Variants in PLXNA4 observed in about 807,000 individuals in gnomAD.
PLXNA4 encodes plexin-A4.
A neutral mutation model predicts 191.8 loss-of-function variants in PLXNA4; 44 were observed. The observed-to-expected ratio is 0.23, with a 90% CI of 0.18 to 0.29. The LOEUF (loss-of-function observed/expected upper bound fraction) is 0.29. Ranked by LOEUF, PLXNA4 falls within the 10% of genes least tolerant of loss-of-function variation. The probability of loss-of-function intolerance (pLI) is 1.00; values close to 1 mark genes in which losing one functional copy is unlikely to be tolerated. For missense variants in PLXNA4, 1,800 were observed against 2,488.8 expected, an observed-to-expected ratio of 0.72 and a Z score of 5.89; for synonymous variants, 1,082 against 1,009.5, an observed-to-expected ratio of 1.07 and a Z score of -1.36.
rs560523433 is a variant in PLXNA4, at chr7:132,182,003, G to A, written c.3252+94C>T. On this transcript the variant is annotated intron_variant, in intron 17 of 31. Transcript: ENST00000321063. Reference sequence around the variant, plus strand: ...CTGTGGGTTATCAGTGTATGGGCAGGGAGTTACCTCAGTACTTGGGAAGAC... The same window carrying A: ...CTGTGGGTTATCAGTGTATGGGCAGAGAGTTACCTCAGTACTTGGGAAGAC... 2.0e-5 allele frequency: 31 copies of A among 1,585,326 alleles called. 1 individual carries two copies. The South Asian group carries it at 2.6e-4, about 13-fold the overall frequency.
chr7:132,179,341 T>G (rs1274903456), intron 20 of PLXNA4, among the ~76,000 whole-genome samples: 1 of 138,756 alleles, frequency 7.2e-6, no homozygotes, highest in Non-Finnish European at 1.5e-5. Context: ...ACACAGAGCC[T>G]CCAGCACTGC....
At chr7:132,282,659 A>AAAG (rs1800528040) in intron 4 of PLXNA4, among the ~76,000 whole-genome samples, 5 of 115,038 alleles carry the variant, frequency 4.3e-5, no homozygotes, top group African/African-American at 7.1e-5. Context: ...AAAAAAAAAA[A>AAAG]AAGAAGCAGT....
At chr7:132,172,781 TA>T (rs869164288) in intron 21 of PLXNA4, among the ~76,000 whole-genome samples, 1 of 150,052 alleles carries the variant, frequency 6.7e-6, no homozygotes, top group Non-Finnish European at 1.5e-5. Flanking sequence ...ATAATAATAA[TA>T]AAGTTACATC....
At chr7:132,133,362 T>A (rs993008457) in intron 30 of PLXNA4, among the ~76,000 whole-genome samples, 163 bp from the exon 31 acceptor site, 3 of 152,118 alleles carry the variant, frequency 2.0e-5, no homozygotes, top group Non-Finnish European at 4.4e-5. Flanking sequence ...CTCTCTCTCA[T>A]CTGGGTTGCT....
At chr7:132,207,583 C>T (rs564877787) in intron 10 of PLXNA4, among the ~76,000 whole-genome samples, 2 of 152,370 alleles carry the variant, frequency 1.3e-5, no homozygotes, top group Admixed American at 6.5e-5. Flanking sequence ...TGGCTCAAGG[C>T]CTGTCCCCGC....
intron 15 of PLXNA4, among the ~76,000 whole-genome samples, chr7:132,186,637 C>A (rs910882926): frequency 4.6e-5 from 7 of 152,194 alleles, no homozygotes; most frequent in Non-Finnish European, 1.0e-4. Flanking sequence ...AAAAGTGTGG[C>A]ACCTGTGCAA....
At chr7:132,450,011 T>C (rs1028814056) in intron 3 of PLXNA4, among the ~76,000 whole-genome samples, 1 of 152,228 alleles carries the variant, frequency 6.6e-6, no homozygotes, top group Non-Finnish European at 1.5e-5. Flanking sequence ...ACACTGTCCA[T>C]TTCCTTCCTG....
At chr7:132,629,876 G>A (rs2116877196) in intron 2 of PLXNA4, among the ~76,000 whole-genome samples, 1 of 151,878 alleles carries the variant, frequency 6.6e-6, no homozygotes, top group South Asian at 2.1e-4. Flanking sequence ...TTGAGACAGA[G>A]TCTCGTTCTG....
At chr7:132,228,018 T>A (rs1798388254) in intron 6 of PLXNA4, among the ~76,000 whole-genome samples, 1 of 152,198 alleles carries the variant, frequency 6.6e-6, no homozygotes, top group African/African-American at 2.4e-5. Context: ...TCTCTGTACA[T>A]GCATCTTTCC....
At chr7:132,480,222 G>C (rs767943145) in intron 3 of PLXNA4, among the ~76,000 whole-genome samples, 2 of 152,204 alleles carry the variant, frequency 1.3e-5, no homozygotes, top group Non-Finnish European at 1.5e-5. Flanking sequence ...GGTAAGAATG[G>C]AGGGGGTGAA....
At chr7:132,286,627 A>G (rs1174257751) in intron 4 of PLXNA4, among the ~76,000 whole-genome samples, 1 of 152,118 alleles carries the variant, frequency 6.6e-6, no homozygotes, top group Non-Finnish European at 1.5e-5. Context: ...ATTCTGGGGC[A>G]GAGAGAAGGA....
At chr7:132,521,195 AAAAAAAAT>A (rs1261634458) in intron 1 of PLXNA4, among the ~76,000 whole-genome samples, 21 of 151,234 alleles carry the variant, frequency 1.4e-4, no homozygotes. Context: ...AAAAAAAAAA[AAAAAAAAT>A]TCAGAATGAC....
intron 3 of PLXNA4, among the ~76,000 whole-genome samples, chr7:132,401,319 A>T (rs1352748507): frequency 1.3e-5 from 2 of 152,102 alleles, no homozygotes; most frequent in Non-Finnish European, 2.9e-5. Context: ...CAAAAGGCAA[A>T]GTTAAAAAAA....
intron 3 of PLXNA4, among the ~76,000 whole-genome samples, chr7:132,375,497 C>T (rs1005816726): frequency 2.0e-5 from 3 of 152,194 alleles, no homozygotes; most frequent in Non-Finnish European, 4.4e-5. Flanking sequence ...GACCCAAAGA[C>T]AAACTGTTGA....
chr7:132,529,046 A>G (rs1030591665), intron 1 of PLXNA4, among the ~76,000 whole-genome samples: 6 of 152,246 alleles, frequency 3.9e-5, no homozygotes, highest in African/African-American at 1.4e-4. Context: ...AATGAATAAG[A>G]TGGCATTTTA....
chr7:132,588,913 TAGAG>T (rs199996090), intron 2 of PLXNA4, among the ~76,000 whole-genome samples: 7 of 150,006 alleles, frequency 4.7e-5, no homozygotes, highest in African/African-American at 1.5e-4. Context: ...GAGAAAGAAA[TAGAG>T]AGAGGAGTGA....
At chr7:132,492,464 G>A (rs562335139) in intron 2 of PLXNA4, among the ~76,000 whole-genome samples, 24 of 152,288 alleles carry the variant, frequency 1.6e-4, no homozygotes, top group Non-Finnish European at 1.2e-4. Flanking sequence ...AGAAGCCCAG[G>A]CAAGATCTGG....
At chr7:132,146,422 G>GT in intron 28 of PLXNA4, 88 bp downstream of exon 28, 2 of 1,608,740 alleles carry the variant, frequency 1.2e-6, no homozygotes, top group Non-Finnish European at 1.7e-6. Context: ...TGAATGCTGG[G>GT]TACTGGCTAC....
chr7:132,489,269 A>G, intron 3 of PLXNA4, 23 bp downstream of exon 3: 2 of 1,565,112 alleles, frequency 1.3e-6, no homozygotes, highest in Non-Finnish European at 1.8e-6. Context: ...ACAGTAACCA[A>G]AAGTACTGCA....
Sources: gnomAD v4.1 joint callset for allele counts (sites outside exome capture counted in the v4.1 genomes callset) on GRCh38, gnomAD v4.1.1 for gene constraint, MANE v1.5 for transcripts, NCBI Gene and HGNC (gene_info 2026-07-23, HGNC 2026-07-21) for gene names.